The following CLASRP variants were observed in gnomAD, a reference collection of about 807,000 sequenced individuals.
CLASRP encodes CLK4 associating serine/arginine rich protein.
A neutral mutation model predicts 99.9 loss-of-function variants in CLASRP; 52 were observed. That is an observed-to-expected ratio of 0.52 (90% CI 0.42 to 0.66). The LOEUF (loss-of-function observed/expected upper bound fraction) is 0.66, where lower values mean the gene tolerates loss of function less well. CLASRP is among the 30% of genes least tolerant of loss of function. The pLI is 0.00. For synonymous variants in CLASRP, 379 were observed against 373.0 expected, an observed-to-expected ratio of 1.02 and a Z score of -0.18; for missense variants, 848 against 999.2, an observed-to-expected ratio of 0.85 and a Z score of 2.04.
In CLASRP at chr19:45,057,957, G is replaced by A. The variant is rs865860337; in HGVS notation, c.613+59G>A. The A allele has an allele frequency of 3.1e-5, 50 of 1,603,214 alleles. No individual in the cohort carries two copies. In the Middle Eastern group the frequency reaches 1.0e-3, roughly 34 times the overall value. On this transcript the variant is annotated intron_variant, in intron 7 of 20. Coordinates refer to ENST00000221455, the MANE Select transcript of CLASRP (RefSeq NM_007056.3). ...TCCCTGGGCATCGTTTCTGTGTCTC[G>A]TCCCTCACCCTCTGTGGGGCACCCC...
Position 45,044,479 on chromosome 19 carries a change from A to C in CLASRP, c.99+4168A>C, listed in dbSNP as rs150078406. Among the ~76,000 whole-genome samples, 567 of 152,128 alleles carry C rather than the reference A, an allele frequency of 3.7e-3. 2 individuals are homozygous for C. Among genetic ancestry groups the C allele is most frequent in the African/African-American group, 0.013 (539 of 41,566 alleles). On this transcript the variant is annotated intron_variant, in intron 2 of 20. Coordinates refer to ENST00000221455, the MANE Select transcript of CLASRP (RefSeq NM_007056.3). ...ACGTGGCTTACAGTCACATAGCATGAGGGCAGAGCTGGCACTATAACCCAG... is the reference window on the plus strand; with the variant it reads ...ACGTGGCTTACAGTCACATAGCATGCGGGCAGAGCTGGCACTATAACCCAG...
chr19:45,064,405 GCT>G lies in CLASRP; in HGVS notation c.1188_1189del (p.Arg397LeufsTer40). 1 of 1,530,316 alleles carries G rather than the reference GCT, an allele frequency of 6.5e-7. No homozygotes were observed. Among genetic ancestry groups the G allele is most frequent in the Non-Finnish European group, 8.8e-7 (1 of 1,141,390 alleles). 94.8% of individuals were successfully genotyped at this position (1,530,316 alleles called of 1,614,324 possible). A position where few individuals can be genotyped will look rare whatever the true frequency, so the allele number is the denominator to read the frequency against. On this transcript the variant is annotated frameshift_variant, in exon 13 of 21. Coordinates refer to ENST00000221455, the MANE Select transcript of CLASRP (RefSeq NM_007056.3). LOFTEE classifies it high-confidence loss of function. Reference sequence around the variant, plus strand: ...TCGAGGACCTCCAGCTCCCGCTCCAGCTCTCGCTCCAGCTCCCGCTCTCGCCG... The same window carrying G: ...TCGAGGACCTCCAGCTCCCGCTCCAGCTCGCTCCAGCTCCCGCTCTCGCCG...
At chr19:45,057,280 TC>T (rs1338911054) in intron 6 of CLASRP, among the ~76,000 whole-genome samples, 3 of 152,240 alleles carry the variant, frequency 2.0e-5, no homozygotes, top group Non-Finnish European at 4.4e-5. Flanking sequence ...CTTGCCGCCT[TC>T]CTCCACTGGG....
intron 13 of CLASRP, 127 bp downstream of exon 13, chr19:45,064,757 G>C: frequency 7.0e-7 from 1 of 1,424,192 alleles, no homozygotes; most frequent in Non-Finnish European, 9.2e-7. Context: ...AAGGGGACAG[G>C]CACAGGCCAC....
At position 45,060,986 on chromosome 19, in the gene CLASRP, A is replaced by G. The variant is rs1323135727; in HGVS notation, c.863+359A>G. Among the ~76,000 whole-genome samples, 3 of 152,190 alleles carry G rather than the reference A, an allele frequency of 2.0e-5. No homozygotes were observed. The highest frequency in any genetic ancestry group is 4.4e-5 in the Non-Finnish European group (3 of 68,034). ...CTTCTTCCTGTGTCGGAGTTTGGAC[A>G]AGTGACTTCCCGAACTCTCTGAGCT... is the stretch of plus-strand genomic sequence containing the variant. On this transcript the variant is annotated intron_variant, in intron 10 of 20. Coordinates refer to ENST00000221455, the MANE Select transcript of CLASRP (RefSeq NM_007056.3). The surrounding 1 kb of genome is among the most constrained non-coding windows in gnomAD (Gnocchi z 4.6).
At chr19:45,068,917 G>A (rs957122026) in intron 16 of CLASRP, 149 bp from the exon 17 acceptor site, 34 of 730,342 alleles carry the variant, frequency 4.7e-5, no homozygotes, top group Non-Finnish European at 6.9e-5. Context: ...GCGAACCCGG[G>A]GGGCGGAGCC....
At chr19:45,058,523 C>A (rs1318885760) in intron 7 of CLASRP, among the ~76,000 whole-genome samples, 2 of 152,126 alleles carry the variant, frequency 1.3e-5, no homozygotes, top group Non-Finnish European at 2.9e-5. Flanking sequence ...GTAGCTGAGA[C>A]TAAAGGCACA....
intron 18 of CLASRP, 95 bp downstream of exon 18, chr19:45,069,343 T>C: frequency 7.9e-7 from 1 of 1,260,886 alleles, no homozygotes; most frequent in Non-Finnish European, 1.1e-6. Flanking sequence ...CCCAGCTCCC[T>C]GTGGGTGGAT....
intron 12 of CLASRP, 34 bp downstream of exon 12, chr19:45,064,261 C>T (rs763977560): frequency 1.6e-5 from 24 of 1,546,364 alleles, no homozygotes; most frequent in Admixed American, 1.4e-4. Flanking sequence ...CCCTACGCCC[C>T]GGTCACCATG....
At chr19:45,058,583 C>T (rs1295486605) in intron 7 of CLASRP, among the ~76,000 whole-genome samples, 2 of 152,062 alleles carry the variant, frequency 1.3e-5, no homozygotes, top group Non-Finnish European at 2.9e-5. Context: ...ACGGGGGTTT[C>T]ACCATATTGG....
intron 10 of CLASRP, 75 bp from the exon 11 acceptor site, chr19:45,062,079 G>A: frequency 1.1e-6 from 1 of 905,242 alleles, no homozygotes; most frequent in Non-Finnish European, 1.8e-6. Context: ...TCCTCAGGTT[G>A]GCGGGCTTAT....
chr19:45,065,412 T>A (rs1476706820), intron 13 of CLASRP, among the ~76,000 whole-genome samples: 9 of 142,570 alleles, frequency 6.3e-5, no homozygotes, highest in Non-Finnish European at 1.2e-4. Context: ...AAAAAAAAAA[T>A]TAGCTGGGCG....
chr19:45,050,032 T>C (rs961599029), intron 2 of CLASRP, among the ~76,000 whole-genome samples: 3 of 151,990 alleles, frequency 2.0e-5, no homozygotes, highest in Non-Finnish European at 2.9e-5. Flanking sequence ...GGAGGAGATC[T>C]GAAATAAGCG....
intron 5 of CLASRP, among the ~76,000 whole-genome samples, chr19:45,054,432 T>G (rs1377444523): frequency 6.6e-6 from 1 of 152,176 alleles, no homozygotes; most frequent in African/African-American, 2.4e-5. Context: ...GTAGTTTTAG[T>G]AGAGACGGGG....
At chr19:45,043,450 C>T (rs1450242411) in intron 2 of CLASRP, among the ~76,000 whole-genome samples, 3 of 149,312 alleles carry the variant, frequency 2.0e-5, no homozygotes, top group African/African-American at 7.4e-5. Flanking sequence ...TCCATTCATA[C>T]GTATATGCAC....
At position 45,069,190 on chromosome 19, in the gene CLASRP, T is replaced by A; in HGVS notation, c.1828-12T>A. On this transcript the variant is annotated splice_polypyrimidine_tract_variant and intron_variant, in intron 17 of 20. Coordinates refer to ENST00000221455, the MANE Select transcript of CLASRP (RefSeq NM_007056.3). ...TGGCCTGGCCACGTCCTCATAGCCC[T>A]GTCTGCTGCAGGAGCGGGAAGACGA... The A allele has an allele frequency of 6.2e-7, 1 of 1,613,992 alleles. No homozygotes were observed. Among genetic ancestry groups the A allele is most frequent in the Non-Finnish European group, 8.5e-7 (1 of 1,179,940 alleles).
intron 11 of CLASRP, 52 bp from the exon 12 acceptor site, chr19:45,063,960 C>G (rs552331912): frequency 3.3e-6 from 5 of 1,537,530 alleles, no homozygotes; most frequent in Non-Finnish European, 4.4e-6. Context: ...GTGCTGTTCC[C>G]GAAGAGGCTC....
At chr19:45,045,870 G>T (rs1477025578) in intron 2 of CLASRP, among the ~76,000 whole-genome samples, 1 of 152,130 alleles carries the variant, frequency 6.6e-6, no homozygotes, top group Non-Finnish European at 1.5e-5. Context: ...TTGGATCCAG[G>T]TGGAGGGATG....
chr19:45,065,888 G>A lies in CLASRP; in HGVS notation c.1409+1258G>A, dbSNP rs551577301. ...ACAGGGCTGGTGCTGGCTAAGTGCCGTTAATATCGTCAGCATCATTACCTG... is the reference window on the plus strand; with the variant it reads ...ACAGGGCTGGTGCTGGCTAAGTGCCATTAATATCGTCAGCATCATTACCTG... On this transcript the variant is annotated intron_variant, in intron 13 of 20. Coordinates refer to ENST00000221455, the MANE Select transcript of CLASRP (RefSeq NM_007056.3). Among the ~76,000 whole-genome samples the A allele has an allele frequency of 4.6e-5, 7 of 152,308 alleles. No homozygotes were observed. The South Asian group carries it at 8.3e-4, about 18-fold the overall frequency.
Sources: gnomAD v4.1 joint callset for allele counts (sites outside exome capture counted in the v4.1 genomes callset) on GRCh38, gnomAD v4.1.1 for gene constraint, Gnocchi (gnomAD v3.1) non-coding constraint, MANE v1.5 for transcripts, NCBI Gene and HGNC (gene_info 2026-07-23, HGNC 2026-07-21) for gene names.